RAPGEF2: variants seen among roughly 807,000 people sequenced by gnomAD.
RAPGEF2 encodes PDZ domain containing guanine nucleotide exchange factor (GEF) 1.
RAPGEF2 carries 54 observed loss-of-function variants against 186.7 expected under a neutral mutation model. That is an observed-to-expected ratio of 0.29 (90% CI 0.23 to 0.36). RAPGEF2 has a LOEUF of 0.36. RAPGEF2 is among the 10% of genes least tolerant of loss of function. The probability of loss-of-function intolerance (pLI) is 1.00; values close to 1 mark genes in which losing one functional copy is unlikely to be tolerated. For missense variants in RAPGEF2, 1,532 were observed against 2,045.0 expected, an observed-to-expected ratio of 0.75 and a Z score of 4.84; for synonymous variants, 712 against 705.9, an observed-to-expected ratio of 1.01 and a Z score of -0.14.
At chr4:159,196,531 T>G (rs766903528) in intron 3 of RAPGEF2, among the ~76,000 whole-genome samples, 4 of 141,932 alleles carry the variant, frequency 2.8e-5, no homozygotes, top group Non-Finnish European at 6.3e-5. Flanking sequence ...GTAAATATAA[T>G]ACTCTTTTGA....
At chr4:159,155,847 A>G (rs1026257293) in intron 1 of RAPGEF2, among the ~76,000 whole-genome samples, 5 of 151,864 alleles carry the variant, frequency 3.3e-5, no homozygotes, top group African/African-American at 9.7e-5. Context: ...TTTTAATTAC[A>G]TCTCACAAAT....
At chr4:159,252,900 T>A (rs1755638470) in intron 7 of RAPGEF2, among the ~76,000 whole-genome samples, 1 of 152,238 alleles carries the variant, frequency 6.6e-6, no homozygotes, top group Admixed American at 6.5e-5. Context: ...TATCCATTGA[T>A]TAACTTAAAA....
At chr4:159,320,108 C>T (rs977352739) in intron 9 of RAPGEF2, among the ~76,000 whole-genome samples, 51 of 152,048 alleles carry the variant, frequency 3.4e-4, no homozygotes, top group African/African-American at 1.2e-3. Flanking sequence ...AATGCATGGT[C>T]TATAGGTAAT....
chr4:159,327,235 T>C (rs975443505), intron 11 of RAPGEF2: 2 of 152,240 alleles, frequency 1.3e-5, no homozygotes, highest in African/African-American at 4.8e-5. Context: ...TAAACTGTCA[T>C]TGACTTTTAT....
At chr4:159,165,776 A>T (rs113345623) in intron 1 of RAPGEF2, among the ~76,000 whole-genome samples, 2,998 of 152,078 alleles carry the variant, frequency 0.02, 108 homozygotes, top group South Asian at 0.1. Flanking sequence ...TAGTTTTTGT[A>T]GGGTTGGGGT....
intron 1 of RAPGEF2, among the ~76,000 whole-genome samples, chr4:159,146,361 CTTTTTTT>C (rs75242947): frequency 7.3e-6 from 1 of 137,872 alleles, no homozygotes. Flanking sequence ...AAGCTTTTTT[CTTTTTTT>C]TTTTTTCTTT....
At position 159,314,626 on chromosome 4, in the gene RAPGEF2, T is replaced by C; in HGVS notation, c.711T>C (p.Ser237=). The C allele has an allele frequency of 6.2e-7, 1 of 1,613,626 alleles. No individual in the cohort carries two copies. Among genetic ancestry groups the C allele is most frequent in the Non-Finnish European group, 8.5e-7 (1 of 1,179,842 alleles). ...GCGAGGCTGGTGATATGGACCTGAGTGGGTTGCCAGAAACAGCAGTGGATT... is the reference window on the plus strand; with the variant it reads ...GCGAGGCTGGTGATATGGACCTGAGCGGGTTGCCAGAAACAGCAGTGGATT... ...TESEAGDMDL[S]GLPETAVDSE... Residue 237 remains serine, a synonymous_variant, in exon 9 of 30, where the codon AGT becomes AGC. Coordinates refer to ENST00000691494, the MANE Select transcript of RAPGEF2 (RefSeq NM_001394067.2).
intron 7 of RAPGEF2, among the ~76,000 whole-genome samples, chr4:159,278,966 A>T (rs1433620530): frequency 6.6e-6 from 1 of 152,134 alleles, no homozygotes; most frequent in African/African-American, 2.4e-5. Context: ...AGTACACTTG[A>T]TGTTTCCCTT....
intron 1 of RAPGEF2, among the ~76,000 whole-genome samples, chr4:159,151,315 G>T (rs35083635): frequency 1.4e-4 from 21 of 152,214 alleles, no homozygotes; most frequent in Non-Finnish European, 3.1e-4. Context: ...GTCCAGGTCA[G>T]TTTGGTGCAG....
intron 8 of RAPGEF2, 142 bp downstream of exon 8, chr4:159,304,615 T>C: frequency 1.3e-6 from 1 of 755,070 alleles, no homozygotes; most frequent in Non-Finnish European, 2.0e-6. Flanking sequence ...AATGTTTATT[T>C]CGTATATGTT....
At chr4:159,128,430 A>G (rs1740621036) in intron 1 of RAPGEF2, among the ~76,000 whole-genome samples, 2 of 152,180 alleles carry the variant, frequency 1.3e-5, no homozygotes, top group South Asian at 2.1e-4. Context: ...AAAAGTCTAC[A>G]TGAATGTAAA....
intron 5 of RAPGEF2, among the ~76,000 whole-genome samples, chr4:159,240,539 T>TGGCCA (rs1172302692): frequency 6.6e-6 from 1 of 152,036 alleles, no homozygotes; most frequent in Non-Finnish European, 1.5e-5. Flanking sequence ...TTCACCATGT[T>TGGCCA]GGCCAGGCTG....
intron 8 of RAPGEF2, among the ~76,000 whole-genome samples, chr4:159,311,402 C>G (rs913762789): frequency 6.6e-6 from 1 of 152,032 alleles, no homozygotes; most frequent in African/African-American, 2.4e-5. Context: ...ATATAAATTG[C>G]GTGCAGCGTT....
At chr4:159,303,478 A>C (rs78044647) in intron 7 of RAPGEF2, among the ~76,000 whole-genome samples, 3,842 of 152,206 alleles carry the variant, frequency 0.025, 158 homozygotes, top group African/African-American at 0.085. Context: ...ATAATGTGTG[A>C]TATTATAGAC....
chr4:159,264,517 C>T (rs13145422), intron 7 of RAPGEF2, among the ~76,000 whole-genome samples: 45,893 of 152,012 alleles, frequency 0.3, 7,800 homozygotes, highest in Non-Finnish European at 0.39. Flanking sequence ...GGACACGGGC[C>T]AGATGGAAGG....
intron 28 of RAPGEF2, among the ~76,000 whole-genome samples, chr4:159,355,227 A>G (rs1369166269): frequency 6.6e-6 from 1 of 152,228 alleles, no homozygotes; most frequent in African/African-American, 2.4e-5. Context: ...CTAGGTCATG[A>G]GCATCAATAA....
At chr4:159,180,848 T>C (rs1451904320) in intron 1 of RAPGEF2, among the ~76,000 whole-genome samples, 2 of 152,232 alleles carry the variant, frequency 1.3e-5, no homozygotes, top group Non-Finnish European at 1.5e-5. Flanking sequence ...CCCAGTTTTA[T>C]GATACAGGCT....
intron 8 of RAPGEF2, among the ~76,000 whole-genome samples, chr4:159,307,896 C>T (rs1290069073): frequency 1.3e-5 from 2 of 152,062 alleles, no homozygotes; most frequent in Non-Finnish European, 2.9e-5. Context: ...TCTTGAGCCC[C>T]AGAAGTTGTC....
intron 7 of RAPGEF2, chr4:159,268,324 A>G (rs551211832): frequency 6.8e-5 from 61 of 891,340 alleles, no homozygotes; most frequent in African/African-American, 5.8e-4. Context: ...TGTAGAAGGT[A>G]TAGTAGTCTG....
Sources: allele counts gnomAD v4.1 joint callset (sites outside exome capture counted in the v4.1 genomes callset), GRCh38; gene constraint gnomAD v4.1.1; transcripts MANE v1.5; gene names NCBI Gene and HGNC (gene_info 2026-07-23, HGNC 2026-07-21).